Variants in TIGAR observed in about 807,000 individuals in gnomAD.
The protein encoded by TIGAR is TP53 induced glycolysis regulatory phosphatase.
Under a neutral mutation model 17.9 loss-of-function variants are expected in TIGAR, and 7 were observed. That is an observed-to-expected ratio of 0.39 (90% CI 0.22 to 0.73). The LOEUF is 0.73. TIGAR is among the 30% of genes least tolerant of loss of function. The pLI is 0.42. For synonymous variants in TIGAR, 94 were observed against 108.6 expected, an observed-to-expected ratio of 0.87 and a Z score of 0.84; for missense variants, 258 against 327.4, an observed-to-expected ratio of 0.79 and a Z score of 1.64.
Position 4,356,551 on chromosome 12 carries a change from T to C in TIGAR, c.*3860T>C, listed in dbSNP as rs941984663. On this transcript the variant is annotated 3_prime_UTR_variant, in exon 6 of 6. Coordinates refer to ENST00000179259, the MANE Select transcript of TIGAR (RefSeq NM_020375.3). ...TCCCCCACCAGACCAGTGCATCTGT[T>C]ACCATCGGTGAGCCCACATTACACT... Among the ~76,000 whole-genome samples the C allele has an allele frequency of 6.6e-6, 1 of 152,150 alleles. No homozygotes were observed. Among genetic ancestry groups the C allele is most frequent in the East Asian group, 1.9e-4 (1 of 5,190 alleles).
Position 4,321,333 on chromosome 12 carries a change from TC to T in TIGAR, c.32+31del. The T allele has an allele frequency of 6.2e-7, 1 of 1,600,138 alleles. No individual in the cohort carries two copies. The highest frequency in any genetic ancestry group is 8.5e-7 in the Non-Finnish European group (1 of 1,179,634). On this transcript the variant is annotated intron_variant, in intron 1 of 5. Transcript: ENST00000179259. This position sits in a 1 kb window ranked among gnomAD's most constrained non-coding sequence, Gnocchi z 5.2. ...GTATGGCTGTGGCAGGATGTCTTTCTCTCTCTCTTCCTTGAGTGTGTTGGAG... is the reference window on the plus strand; with the variant it reads ...GTATGGCTGTGGCAGGATGTCTTTCTTCTCTCTTCCTTGAGTGTGTTGGAG...
At chr12:4,350,962 T>G (rs540595665) in intron 4 of TIGAR, among the ~76,000 whole-genome samples, 1 of 152,166 alleles carries the variant, frequency 6.6e-6, no homozygotes, top group Non-Finnish European at 1.5e-5. Context: ...TAATCTCTAG[T>G]CCTATAATCT....
intron 3 of TIGAR, among the ~76,000 whole-genome samples, chr12:4,343,172 A>C (rs1319112364): frequency 1.3e-5 from 2 of 152,238 alleles, no homozygotes; most frequent in Non-Finnish European, 2.9e-5. Context: ...TCAATTCAAC[A>C]AGAAGTGCTA....
At chr12:4,337,409 C>T (rs1864671968) in intron 3 of TIGAR, among the ~76,000 whole-genome samples, 1 of 152,176 alleles carries the variant, frequency 6.6e-6, no homozygotes, top group African/African-American at 2.4e-5. Flanking sequence ...ATCCACTTGC[C>T]TCAGCCTCCC....
chr12:4,349,070 A>G (rs889355344), intron 3 of TIGAR, among the ~76,000 whole-genome samples: 3 of 152,244 alleles, frequency 2.0e-5, no homozygotes, highest in Admixed American at 2.0e-4. Context: ...CAATTTAGAC[A>G]CATTTGAATG....
chr12:4,328,640 G>A (rs1864571759), intron 1 of TIGAR, among the ~76,000 whole-genome samples: 1 of 148,888 alleles, frequency 6.7e-6, no homozygotes, highest in South Asian at 2.1e-4. Flanking sequence ...GCAGTGGCAT[G>A]ATCTTGGCTC....
At position 4,321,221 on chromosome 12, in the gene TIGAR, G is replaced by A. The variant is rs761117628; in HGVS notation, c.-51G>A. 6 of 1,598,446 alleles carry A rather than the reference G, an allele frequency of 3.8e-6. No individual in the cohort carries two copies. In the Admixed American group the frequency reaches 6.7e-5, roughly 18 times the overall value. On this transcript the variant is annotated 5_prime_UTR_variant, in exon 1 of 6. It adds an upstream start codon to the 5' untranslated region. Transcript: ENST00000179259. This position sits in a 1 kb window ranked among gnomAD's most constrained non-coding sequence, Gnocchi z 5.2. ...AGTGGTGTGGGGGAGGTAGCCCGCAGTGCAGGGGCAGCGCGGCGCGGGGCC... is the reference window on the plus strand; with the variant it reads ...AGTGGTGTGGGGGAGGTAGCCCGCAATGCAGGGGCAGCGCGGCGCGGGGCC...
At chr12:4,344,291 C>T (rs1864756827) in intron 3 of TIGAR, among the ~76,000 whole-genome samples, 1 of 152,196 alleles carries the variant, frequency 6.6e-6, no homozygotes, top group Admixed American at 6.5e-5. Context: ...CGAATTCTTC[C>T]AGAGGTACAA....
At position 4,323,482 on chromosome 12, in the gene TIGAR, C is replaced by T. The variant is rs140537055; in HGVS notation, c.32+2179C>T. On this transcript the variant is annotated intron_variant, in intron 1 of 5. Transcript: ENST00000179259. ...ATAAGTCTTAATAAATGATTATTTGCCAGGCACTGTTGTAATTAAAATCTG... is the reference window on the plus strand; with the variant it reads ...ATAAGTCTTAATAAATGATTATTTGTCAGGCACTGTTGTAATTAAAATCTG... Among the ~76,000 whole-genome samples, 11 of 152,254 alleles carry T rather than the reference C, an allele frequency of 7.2e-5. No homozygotes were observed. In the East Asian group the frequency reaches 1.9e-3, roughly 27 times the overall value.
At chr12:4,332,238 C>CTTTTTTTTTTTTTTT (rs777711454) in intron 2 of TIGAR, among the ~76,000 whole-genome samples, 2 of 95,364 alleles carry the variant, frequency 2.1e-5, no homozygotes, top group Non-Finnish European at 3.9e-5. Flanking sequence ...TCATGTATTT[C>CTTTTTTTTTTTTTTT]TTTTTTTTTT....
chr12:4,321,465 T>C lies in TIGAR; in HGVS notation c.32+162T>C, dbSNP rs1864476791. Among the ~76,000 whole-genome samples, 3 of 152,128 alleles carry C rather than the reference T, an allele frequency of 2.0e-5. No homozygotes were observed. On this transcript the variant is annotated intron_variant, in intron 1 of 5. Transcript: ENST00000179259. The surrounding 1 kb of genome is among the most constrained non-coding windows in gnomAD (Gnocchi z 5.2). ...TTCCGGGGCGCTTGCCCTGGGGCCGTCCCGTGTCGCCCCTCCTCTCACCCC... is the reference window on the plus strand; with the variant it reads ...TTCCGGGGCGCTTGCCCTGGGGCCGCCCCGTGTCGCCCCTCCTCTCACCCC...
Position 4,339,979 on chromosome 12 carries a change from C to G in TIGAR, c.192+2819C>G, listed in dbSNP as rs7135386. 1.4e-3 allele frequency among the ~76,000 whole-genome samples: 211 copies of G among 152,316 alleles called. 1 individual carries two copies. Among genetic ancestry groups the G allele is most frequent in the African/African-American group, 4.5e-3 (186 of 41,564 alleles). Reference sequence around the variant, plus strand: ...TTATGTCATACTGAGTGAGGAGAAACTGAAAGCCTTTCCTCTAAGATCTAG... The same window carrying G: ...TTATGTCATACTGAGTGAGGAGAAAGTGAAAGCCTTTCCTCTAAGATCTAG... On this transcript the variant is annotated intron_variant, in intron 3 of 5. Transcript: ENST00000179259.
chr12:4,324,406 G>A (rs1047976441), intron 1 of TIGAR: 14 of 1,315,360 alleles, frequency 1.1e-5, no homozygotes, highest in African/African-American at 4.4e-5. Context: ...GGAGTGGGTG[G>A]CCCCGATGCC....
rs1374562572 is a variant in TIGAR at position 4,352,302 on chromosome 12, C to T, written c.424C>T (p.Leu142=). ...GIDFFEFLCQ[L]ILKEADQKEQ... ...AGACTTTTTTGAATTTCTTTGTCAA[C>T]TAATCCTGAAAGAAGCGGATCAAAA... The change falls in exon 6 of 6, where the codon CTA becomes TTA. Residue 142 remains leucine, a synonymous_variant. Coordinates refer to ENST00000179259, the MANE Select transcript of TIGAR (RefSeq NM_020375.3). 6.2e-7 allele frequency: 1 copy of T among 1,613,522 alleles called. No individual in the cohort carries two copies. Among genetic ancestry groups the T allele is most frequent in the East Asian group, 2.2e-5 (1 of 44,878 alleles).
At chr12:4,324,785 C>CCG in intron 1 of TIGAR, 1 of 649,550 alleles carries the variant, frequency 1.5e-6, no homozygotes, top group South Asian at 1.7e-5. Context: ...TGCGGAAGGT[C>CCG]CGCTTCTTCT....
chr12:4,324,411 G>A (rs933913420), intron 1 of TIGAR: 10 of 1,381,812 alleles, frequency 7.2e-6, no homozygotes, highest in Non-Finnish European at 1.0e-5. Context: ...GGGTGGCCCC[G>A]ATGCCGGGCC....
chr12:4,349,144 T>A (rs1323516542), intron 3 of TIGAR, among the ~76,000 whole-genome samples: 1 of 152,234 alleles, frequency 6.6e-6, no homozygotes, highest in African/African-American at 2.4e-5. Context: ...ATAGTAATTT[T>A]TTTTTAGGGT....
chr12:4,322,291 CCTG>C (rs1235300241), intron 1 of TIGAR, among the ~76,000 whole-genome samples: 2 of 152,194 alleles, frequency 1.3e-5, no homozygotes, highest in African/African-American at 4.8e-5. Context: ...GCCACCGCGC[CCTG>C]CTAAGAGCAC....
rs1322658403 is a variant in TIGAR at position 4,356,242 on chromosome 12, GCTAA to G, written c.*3556_*3559del. ...GGACCAGGCCAGAGTGCCTCCAATGGCTAACTAAGGAGCCTGGACATTGAATTTC... is the reference window on the plus strand; with the variant it reads ...GGACCAGGCCAGAGTGCCTCCAATGGCTAAGGAGCCTGGACATTGAATTTC... On this transcript the variant is annotated 3_prime_UTR_variant, in exon 6 of 6. Transcript: ENST00000179259. Among the ~76,000 whole-genome samples, 2 of 152,140 alleles carry G rather than the reference GCTAA, an allele frequency of 1.3e-5. No individual in the cohort carries two copies. Among genetic ancestry groups the G allele is most frequent in the Non-Finnish European group, 2.9e-5 (2 of 68,006 alleles).
Sources: allele counts gnomAD v4.1 joint callset (sites outside exome capture counted in the v4.1 genomes callset), GRCh38; gene constraint gnomAD v4.1.1; non-coding constraint Gnocchi (gnomAD v3.1); transcripts MANE v1.5; gene names NCBI Gene and HGNC (gene_info 2026-07-23, HGNC 2026-07-21).